LAMP2: variants seen among roughly 807,000 people sequenced by gnomAD.
The protein encoded by LAMP2 is lysosome-associated membrane glycoprotein 2.
In LAMP2, 4 loss-of-function variants were observed where a neutral mutation model predicts 25.6. That is an observed-to-expected ratio of 0.16 (90% CI 0.08 to 0.36). The LOEUF is 0.36. LAMP2 is among the 10% of genes least tolerant of loss of function. The pLI is 1.00. For synonymous variants in LAMP2, 108 were observed against 112.7 expected, an observed-to-expected ratio of 0.96 and a Z score of 0.27; for missense variants, 272 against 301.4, an observed-to-expected ratio of 0.90 and a Z score of 0.72.
intron 7 of LAMP2, among the ~76,000 whole-genome samples, chrX:120,442,154 G>A (rs753565942): frequency 2.9e-5 from 3 of 104,080 alleles, no homozygotes; most frequent in Non-Finnish European, 3.9e-5. Context: ...GAGGTGGGTA[G>A]TTGGCTTGAA....
At chrX:120,461,182 A>G (rs1450626601) in intron 1 of LAMP2, among the ~76,000 whole-genome samples, 1 of 111,799 alleles carries the variant, frequency 8.9e-6, no homozygotes, top group Non-Finnish European at 1.9e-5. Flanking sequence ...TTCTGCTTAA[A>G]ATCAATCAGA....
intron 8 of LAMP2, chrX:120,438,731 C>CACACAA (rs576233822): frequency 0.017 from 11,702 of 698,909 alleles, 89 homozygotes; most frequent in East Asian, 0.079. Context: ...CACACACACA[C>CACACAA]AAAAAGAGCA....
intron 8 of LAMP2, chrX:120,439,286 C>T: frequency 8.3e-7 from 1 of 1,207,073 alleles, no homozygotes. Flanking sequence ...CCAGCGAACA[C>T]TCTTGGGCTG....
chrX:120,437,255 T>G, intron 8 of LAMP2: 1 of 733,845 alleles, frequency 1.4e-6, no homozygotes, highest in Non-Finnish European at 1.6e-6. Context: ...TCAGTTATAT[T>G]GTTATAAAAA....
chrX:120,448,494 A>T (rs946231049), intron 4 of LAMP2, among the ~76,000 whole-genome samples: 1 of 113,141 alleles, frequency 8.8e-6, no homozygotes, highest in African/African-American at 3.2e-5. Flanking sequence ...CATTAGCCCT[A>T]TGGCAAATCA....
rs727503118 is a variant in LAMP2 at position 120,442,650 on chromosome X, G to T, written c.877C>A (p.Arg293=). ...DFVFAVKNEN[R]FYLKEVNISM... Reference sequence around the variant, plus strand: ...ATGTTCACTTCCTTCAGATAAAATCGGTTTTCATTTTTCTGTTTGAAAAAG... The same window carrying T: ...ATGTTCACTTCCTTCAGATAAAATCTGTTTTCATTTTTCTGTTTGAAAAAG... The change falls in exon 7 of 9, where the codon CGA becomes AGA. Residue 293 remains arginine, a synonymous_variant. Coordinates refer to ENST00000200639, the MANE Select transcript of LAMP2 (RefSeq NM_002294.3). 4.0e-5 allele frequency: 48 copies of T among 1,204,882 alleles called. No homozygotes were observed. In the South Asian group the frequency reaches 7.4e-4, roughly 19 times the overall value.
At chrX:120,465,385 T>C (rs1274674807) in intron 1 of LAMP2, among the ~76,000 whole-genome samples, 1 of 110,698 alleles carries the variant, frequency 9.0e-6, no homozygotes, top group Non-Finnish European at 1.9e-5. Context: ...CACAGAAGAA[T>C]CCTGAAATCT....
At chrX:120,454,485 G>A (rs750712212) in intron 3 of LAMP2, among the ~76,000 whole-genome samples, 10 of 110,551 alleles carry the variant, frequency 9.0e-5, no homozygotes, top group Non-Finnish European at 1.7e-4. Flanking sequence ...GCACAGTGGT[G>A]CATGCCTGTA....
intron 1 of LAMP2, among the ~76,000 whole-genome samples, chrX:120,457,018 A>G (rs747715294): frequency 9.0e-6 from 1 of 111,162 alleles, no homozygotes; most frequent in South Asian, 3.8e-4. Flanking sequence ...AAAAGTTGGC[A>G]TTATCCCTTA....
chrX:120,437,039 T>A (rs974490507), intron 8 of LAMP2: 84 of 737,497 alleles, frequency 1.1e-4, no homozygotes, highest in Non-Finnish European at 1.2e-4. Flanking sequence ...TTAACAATTT[T>A]ACACTAAAAC....
intron 8 of LAMP2, among the ~76,000 whole-genome samples, chrX:120,433,625 GA>G (rs761000852): frequency 9.0e-6 from 1 of 111,482 alleles, no homozygotes; most frequent in African/African-American, 3.3e-5. Flanking sequence ...GTTTAACCAG[GA>G]AAAGAAAACC....
chrX:120,431,270 A>C lies in LAMP2; in HGVS notation c.*53T>G. On this transcript the variant is annotated 3_prime_UTR_variant, in exon 9 of 9. Coordinates refer to ENST00000200639, the MANE Select transcript of LAMP2 (RefSeq NM_002294.3). ...AAAGTGTTTCAACAACTGAGAGGTA[A>C]GAAAATCTTGTTATTTGCATGTATT... 2 of 1,206,552 alleles carry C rather than the reference A, an allele frequency of 1.7e-6. No individual in the cohort carries two copies. The highest frequency in any genetic ancestry group is 2.2e-6 in the Non-Finnish European group (2 of 891,095).
At chrX:120,434,112 C>T (rs1161095232) in intron 8 of LAMP2, among the ~76,000 whole-genome samples, 1 of 111,909 alleles carries the variant, frequency 8.9e-6, no homozygotes, top group East Asian at 2.8e-4. Context: ...ACCACCCAGC[C>T]CATAAACTAT....
At chrX:120,432,142 A>T (rs1365286911) in intron 8 of LAMP2, among the ~76,000 whole-genome samples, 1 of 111,613 alleles carries the variant, frequency 9.0e-6, no homozygotes, top group African/African-American at 3.3e-5. Flanking sequence ...TGAAAAGGTG[A>T]CACTTGAGCT....
chrX:120,428,249 C>G lies in LAMP2; in HGVS notation c.*3074G>C. On this transcript the variant is annotated 3_prime_UTR_variant, in exon 9 of 9. Transcript: ENST00000200639. ...AAAATCATTATTTACTTAAAAAATT[C>G]TAAGCCACAATTTTTCTTTTAATTA... 7.0e-6 allele frequency: 2 copies of G among 285,769 alleles called. No homozygotes were observed. Among genetic ancestry groups the G allele is most frequent in the Non-Finnish European group, 1.2e-5 (2 of 172,207 alleles). 23.6% of individuals were successfully genotyped at this position (285,769 alleles called of 1,213,427 possible). A position where few individuals can be genotyped will look rare whatever the true frequency, so the allele number is the denominator to read the frequency against.
intron 1 of LAMP2, among the ~76,000 whole-genome samples, chrX:120,460,024 T>TA (rs1357288088): frequency 8.9e-6 from 1 of 112,004 alleles, no homozygotes; most frequent in Non-Finnish European, 1.9e-5. Flanking sequence ...CTCACACCTA[T>TA]AATCCCAGCA....
intron 8 of LAMP2, chrX:120,437,957 G>A (rs2058553011): frequency 3.6e-6 from 1 of 280,157 alleles, no homozygotes; most frequent in East Asian, 2.3e-4. Flanking sequence ...CCGGGTTCAA[G>A]TGATTCTCCT....
intron 6 of LAMP2, 80 bp downstream of exon 6, chrX:120,446,225 C>G (rs2058595369): frequency 6.5e-6 from 6 of 930,071 alleles, no homozygotes; most frequent in African/African-American, 2.0e-5. Flanking sequence ...CTAAATACCC[C>G]CCTCCCCCCA....
At chrX:120,459,087 A>C (rs1418754242) in intron 1 of LAMP2, among the ~76,000 whole-genome samples, 3 of 111,976 alleles carry the variant, frequency 2.7e-5, no homozygotes, top group African/African-American at 9.7e-5. Flanking sequence ...CTATTTTCCC[A>C]GAGCACACCC....
Sources: gnomAD v4.1 joint callset for allele counts (sites outside exome capture counted in the v4.1 genomes callset) on GRCh38, gnomAD v4.1.1 for gene constraint, MANE v1.5 for transcripts, NCBI Gene and HGNC (gene_info 2026-07-23, HGNC 2026-07-21) for gene names.